The following OSCP1 variants were observed in gnomAD, a reference collection of about 807,000 sequenced individuals.
OSCP1 encodes organic solute carrier partner 1.
OSCP1 carries 35 observed loss-of-function variants against 45.1 expected under a neutral mutation model. That is an observed-to-expected ratio of 0.78 (90% CI 0.59 to 1.03). The LOEUF (loss-of-function observed/expected upper bound fraction) is 1.03. OSCP1 is among the 50% of genes least tolerant of loss of function. The pLI, the probability that OSCP1 is intolerant of heterozygous loss-of-function variation, is 0.00. For synonymous variants in OSCP1, 179 were observed against 180.1 expected (o/e 0.99, Z 0.05); for missense variants, 400 against 470.7 (o/e 0.85, Z 1.39).
At chr1:36,418,762 CAAA>C (rs34581789) in intron 9 of OSCP1, among the ~76,000 whole-genome samples, 1 of 136,646 alleles carries the variant, frequency 7.3e-6, no homozygotes. Context: ...ACTAAAAATA[CAAA>C]AAAAAAAAAA....
chr1:36,418,308 G>A (rs17442634), intron 9 of OSCP1, 53 bp from the exon 10 acceptor site: 22,769 of 1,530,264 alleles, frequency 0.015, 233 homozygotes, highest in Non-Finnish European at 0.018. Context: ...CTGGCAGGCC[G>A]CCTCTTTGTG....
At chr1:36,432,283 G>T (rs1334400227) in intron 3 of OSCP1, 139 bp downstream of exon 3, 2 of 1,027,632 alleles carry the variant, frequency 1.9e-6, no homozygotes, top group African/African-American at 3.2e-5. Context: ...GACACGGATT[G>T]CTTTTCAGAA....
intron 1 of OSCP1, among the ~76,000 whole-genome samples, chr1:36,443,011 T>G (rs1649295523): frequency 6.6e-6 from 1 of 152,178 alleles, no homozygotes; most frequent in Non-Finnish European, 1.5e-5. Flanking sequence ...TCGCCCAGGC[T>G]GGAGTGCAGT....
chr1:36,436,389 C>T (rs1366554858), intron 2 of OSCP1, among the ~76,000 whole-genome samples: 2 of 152,060 alleles, frequency 1.3e-5, no homozygotes, highest in African/African-American at 2.4e-5. Flanking sequence ...GGATTACAGG[C>T]GTGAGCCACC....
chr1:36,424,324 TAG>T (rs1647837507), intron 4 of OSCP1, among the ~76,000 whole-genome samples: 1 of 151,998 alleles, frequency 6.6e-6, no homozygotes, highest in African/African-American at 2.4e-5. Flanking sequence ...AAAGCTAAAG[TAG>T]AGAGTGAAGT....
intron 2 of OSCP1, among the ~76,000 whole-genome samples, chr1:36,438,243 G>A (rs1648881771): frequency 6.6e-6 from 1 of 151,142 alleles, no homozygotes; most frequent in South Asian, 2.1e-4. Flanking sequence ...CTTGAACCCG[G>A]GAGGCGGACG....
At position 36,447,902 on chromosome 1, in the gene OSCP1, A is replaced by C. The variant is rs1304024914; in HGVS notation, c.112+2356T>G. The C allele has an allele frequency of 2.2e-6, 1 of 453,410 alleles. No individual in the cohort carries two copies. The highest frequency in any genetic ancestry group is 7.0e-5 in the East Asian group (1 of 14,342). 28.1% of individuals were successfully genotyped at this position (453,410 alleles called of 1,614,324 possible). Reference sequence around the variant, plus strand: ...TCAGTCAAAATCTGTGGAATGAATGAGTGTGCGAATGTAAATTACTAAAGA... The same window carrying C: ...TCAGTCAAAATCTGTGGAATGAATGCGTGTGCGAATGTAAATTACTAAAGA... On this transcript the variant is annotated intron_variant, in intron 1 of 9. Coordinates refer to ENST00000235532, the MANE Select transcript of OSCP1 (RefSeq NM_145047.5). The surrounding 1 kb of genome is among the most constrained non-coding windows in gnomAD (Gnocchi z 4.1).
chr1:36,449,212 C>G (rs1484648058), intron 1 of OSCP1, among the ~76,000 whole-genome samples: 1 of 152,122 alleles, frequency 6.6e-6, no homozygotes, highest in Non-Finnish European at 1.5e-5. Flanking sequence ...TTCCTTCATA[C>G]TTAATCCTAG....
intron 7 of OSCP1, 42 bp from the exon 8 acceptor site, chr1:36,420,657 TCA>T: frequency 6.2e-7 from 1 of 1,605,582 alleles, no homozygotes; most frequent in Non-Finnish European, 8.5e-7. Flanking sequence ...ATGAAGGCAA[TCA>T]CATTTCCTGC....
At chr1:36,445,657 G>C (rs1649475167) in intron 1 of OSCP1, among the ~76,000 whole-genome samples, 1 of 152,206 alleles carries the variant, frequency 6.6e-6, no homozygotes, top group South Asian at 2.1e-4. Context: ...AAGTTTGGCA[G>C]ATACTGTTTT....
chr1:36,428,608 T>A, intron 4 of OSCP1: 1 of 1,130,994 alleles, frequency 8.8e-7, no homozygotes, highest in Non-Finnish European at 1.2e-6. Flanking sequence ...CCCAAGGTCA[T>A]GGAGCTAGTC....
intron 4 of OSCP1, chr1:36,428,189 C>CAAAAAAAAAA (rs71053930): frequency 8.3e-6 from 7 of 847,154 alleles, no homozygotes; most frequent in South Asian, 2.6e-5. Flanking sequence ...GACTGCATCT[C>CAAAAAAAAAA]AAAAAAAAAA....
intron 2 of OSCP1, among the ~76,000 whole-genome samples, chr1:36,432,953 A>G (rs1177461901): frequency 6.6e-6 from 1 of 152,184 alleles, no homozygotes; most frequent in African/African-American, 2.4e-5. Context: ...TTTCCTCCTA[A>G]CTTATTGTAT....
chr1:36,419,210 A>G (rs974168740), intron 8 of OSCP1, 156 bp from the exon 9 acceptor site: 1 of 668,538 alleles, frequency 1.5e-6, no homozygotes, highest in Non-Finnish European at 2.7e-6. Context: ...GTACCCTACG[A>G]CCTAGAAAGT....
chr1:36,439,926 A>G (rs1649018112), intron 1 of OSCP1, among the ~76,000 whole-genome samples: 1 of 152,252 alleles, frequency 6.6e-6, no homozygotes, highest in African/African-American at 2.4e-5. Context: ...ACCCTCAGGT[A>G]TGAGAAATAG....
chr1:36,423,432 T>C lies in OSCP1; in HGVS notation c.551A>G (p.Asn184Ser), dbSNP rs777180611. 2 of 1,613,522 alleles carry C rather than the reference T, an allele frequency of 1.2e-6. No individual in the cohort carries two copies. The highest frequency in any genetic ancestry group is 1.1e-5 in the South Asian group (1 of 90,890). Residue 184 changes from asparagine to serine, a missense_variant, in exon 5 of 10, where the codon AAT becomes AGT. Coordinates refer to ENST00000235532, the MANE Select transcript of OSCP1 (RefSeq NM_145047.5). ...SMFLKDKVQN[N>S]NGRFVLPVSG... is the part of the protein sequence containing the mutation. The stretch of plus-strand genomic sequence containing the variant: ...CACCGGCAACACAAAGCGACCGTTA[T>C]TATTCTGAACTTTGTCCTTTAGAAA...
At chr1:36,432,856 G>T (rs1360433479) in intron 2 of OSCP1, among the ~76,000 whole-genome samples, 1 of 152,168 alleles carries the variant, frequency 6.6e-6, no homozygotes, top group Non-Finnish European at 1.5e-5. Context: ...TATTGTTAAT[G>T]GGATACGTCT....
chr1:36,423,230 A>G, intron 5 of OSCP1, 133 bp downstream of exon 5: 1 of 815,786 alleles, frequency 1.2e-6, no homozygotes, highest in Non-Finnish European at 2.1e-6. Context: ...GACTTTTTCA[A>G]TAGCTGTTTT....
intron 7 of OSCP1, among the ~76,000 whole-genome samples, chr1:36,421,006 C>T (rs1647587647): frequency 6.6e-6 from 1 of 152,068 alleles, no homozygotes; most frequent in African/African-American, 2.4e-5. Context: ...CAGGTGGTGA[C>T]GGCCGGGAAC....
Sources: gnomAD v4.1 joint callset for allele counts (sites outside exome capture counted in the v4.1 genomes callset) on GRCh38, gnomAD v4.1.1 for gene constraint, Gnocchi (gnomAD v3.1) non-coding constraint, MANE v1.5 for transcripts, NCBI Gene and HGNC (gene_info 2026-07-23, HGNC 2026-07-21) for gene names.